The following RHEX variants were observed in gnomAD, a reference collection of about 807,000 sequenced individuals.
RHEX encodes regulator of hemoglobinization and erythroid cell expansion protein.
Under a neutral mutation model 20.1 loss-of-function variants are expected in RHEX, and 18 were observed. The observed-to-expected ratio is 0.90, with a 90% confidence interval of 0.62 to 1.33. The LOEUF is 1.33. RHEX is among the 40% of genes most tolerant of loss of function. RHEX has a pLI of 0.00. For synonymous variants in RHEX, 87 were observed against 77.1 expected (o/e 1.13, Z -0.67); for missense variants, 192 against 214.3 (o/e 0.90, Z 0.65).
intron 1 of RHEX, among the ~76,000 whole-genome samples, chr1:206,095,379 A>C (rs1663043120): frequency 6.7e-6 from 1 of 149,626 alleles, no homozygotes; most frequent in Non-Finnish European, 1.5e-5. Context: ...ACGATATATT[A>C]AGAGTAAAAA....
At chr1:206,096,094 C>T (rs76134576) in intron 1 of RHEX, among the ~76,000 whole-genome samples, 4,795 of 152,170 alleles carry the variant, frequency 0.032, 248 homozygotes, top group African/African-American at 0.11. Context: ...CCTCCCAAAG[C>T]GCTGGGGTTA....
intron 1 of RHEX, among the ~76,000 whole-genome samples, chr1:206,082,102 G>A (rs1662749834): frequency 6.6e-6 from 1 of 152,160 alleles, no homozygotes. Context: ...ACTATGCAAA[G>A]GGAAGCAAAC....
chr1:206,086,132 C>T (rs1385013494), intron 1 of RHEX, among the ~76,000 whole-genome samples: 1 of 152,180 alleles, frequency 6.6e-6, no homozygotes, highest in Admixed American at 6.5e-5. Flanking sequence ...GTCATAGGAA[C>T]AGGCATTGTT....
At chr1:206,055,104 G>A (rs1026008023) in intron 1 of RHEX, among the ~76,000 whole-genome samples, 1 of 152,066 alleles carries the variant, frequency 6.6e-6, no homozygotes, top group Non-Finnish European at 1.5e-5. Flanking sequence ...GGCATGGGCT[G>A]CAGGGTAGCT....
chr1:206,100,158 C>T (rs1663159774), intron 4 of RHEX, among the ~76,000 whole-genome samples: 1 of 152,198 alleles, frequency 6.6e-6, no homozygotes, highest in Non-Finnish European at 1.5e-5. Flanking sequence ...TGCCTGCCTC[C>T]ACCGTGGCTG....
chr1:206,090,117 C>G (rs964195258), intron 1 of RHEX, among the ~76,000 whole-genome samples: 1 of 150,904 alleles, frequency 6.6e-6, no homozygotes, highest in African/African-American at 2.4e-5. Context: ...TTATTGTACA[C>G]ACAGGCATAT....
In RHEX at chr1:206,101,261, G is replaced by A. The variant is rs1007587880; in HGVS notation, c.318+64G>A. 1.2e-5 allele frequency: 16 copies of A among 1,338,918 alleles called. No individual in the cohort carries two copies. In the South Asian group the frequency reaches 1.3e-4, roughly 11 times the overall value. The allele number at this position is 1,338,918 out of a possible 1,614,324, so 82.9% of individuals were successfully genotyped here. Reference sequence around the variant, plus strand: ...AGTCTGGGGATCCCTGCTGTAAAACGCTGAAAACTCAAGTTACCCCAGCTA... The same window carrying A: ...AGTCTGGGGATCCCTGCTGTAAAACACTGAAAACTCAAGTTACCCCAGCTA... On this transcript the variant is annotated intron_variant, in intron 5 of 5. Transcript: ENST00000331555.
chr1:206,099,884 G>A (rs2102331077), intron 4 of RHEX, 86 bp downstream of exon 4: 1 of 1,313,604 alleles, frequency 7.6e-7, no homozygotes, highest in East Asian at 2.3e-5. Context: ...GCAACCCCAT[G>A]GGCCCAAACC....
intron 3 of RHEX, among the ~76,000 whole-genome samples, chr1:206,099,113 G>A (rs1318560268): frequency 6.6e-6 from 1 of 152,168 alleles, no homozygotes; most frequent in Non-Finnish European, 1.5e-5. Context: ...CAGGCAGAGA[G>A]AAGCAGGAGA....
intron 1 of RHEX, among the ~76,000 whole-genome samples, chr1:206,060,053 C>T (rs1662280105): frequency 6.6e-6 from 1 of 152,246 alleles, no homozygotes; most frequent in Middle Eastern, 3.4e-3. Flanking sequence ...TGGAGTGAAA[C>T]AATCACATGG....
At chr1:206,059,933 A>G (rs1553283139) in intron 1 of RHEX, among the ~76,000 whole-genome samples, 1 of 152,118 alleles carries the variant, frequency 6.6e-6, no homozygotes, top group African/African-American at 2.4e-5. Context: ...TGATCCTGTC[A>G]ACCCCTCTCA....
At chr1:206,093,236 G>A (rs1553287245) in intron 1 of RHEX, among the ~76,000 whole-genome samples, 1 of 151,620 alleles carries the variant, frequency 6.6e-6, no homozygotes, top group Non-Finnish European at 1.5e-5. Context: ...AGTTGACAAT[G>A]TTGATTATAA....
chr1:206,058,693 G>A (rs1490830800), intron 1 of RHEX, among the ~76,000 whole-genome samples: 5 of 152,090 alleles, frequency 3.3e-5, no homozygotes, highest in African/African-American at 1.2e-4. Context: ...CTGACCACCG[G>A]TGCATGCAGC....
intron 4 of RHEX, among the ~76,000 whole-genome samples, chr1:206,100,314 T>G (rs1663162883): frequency 6.6e-6 from 1 of 152,212 alleles, no homozygotes; most frequent in Non-Finnish European, 1.5e-5. Context: ...ATCACCCTCC[T>G]GCAAGTGAGC....
intron 1 of RHEX, among the ~76,000 whole-genome samples, chr1:206,090,598 ACT>A (rs1662929975): frequency 6.6e-6 from 1 of 151,594 alleles, no homozygotes; most frequent in Non-Finnish European, 1.5e-5. Context: ...GTTATAAAAA[ACT>A]CACCATAATT....
intron 1 of RHEX, among the ~76,000 whole-genome samples, chr1:206,071,741 A>G (rs528962571): frequency 6.6e-6 from 1 of 151,518 alleles, no homozygotes; most frequent in South Asian, 2.1e-4. Flanking sequence ...CCTAGCTACT[A>G]GGGAAGCTGA....
intron 1 of RHEX, among the ~76,000 whole-genome samples, chr1:206,089,273 G>T (rs906011558): frequency 6.6e-6 from 1 of 151,820 alleles, no homozygotes; most frequent in Non-Finnish European, 1.5e-5. Flanking sequence ...AAACTCCTGG[G>T]CTCAAGCGAT....
intron 1 of RHEX, among the ~76,000 whole-genome samples, chr1:206,058,036 C>A (rs773185054): frequency 5.3e-5 from 8 of 152,350 alleles, no homozygotes; most frequent in Non-Finnish European, 5.9e-5. Context: ...AAAATTTGAC[C>A]TTACTAATTA....
At chr1:206,083,823 A>C (rs1662783836) in intron 1 of RHEX, among the ~76,000 whole-genome samples, 1 of 152,190 alleles carries the variant, frequency 6.6e-6, no homozygotes, top group African/African-American at 2.4e-5. Context: ...CACTTTATGG[A>C]CATGAATTTC....
Sources: allele counts gnomAD v4.1 joint callset (sites outside exome capture counted in the v4.1 genomes callset), GRCh38; gene constraint gnomAD v4.1.1; transcripts MANE v1.5; gene names NCBI Gene and HGNC (gene_info 2026-07-23, HGNC 2026-07-21).